Variants in TMEM50A observed in about 807,000 individuals in gnomAD.
The protein encoded by TMEM50A is transmembrane protein 50A.
In TMEM50A, 8 loss-of-function variants were observed where a neutral mutation model predicts 23.9. The observed-to-expected ratio is 0.33, with a 90% confidence interval of 0.20 to 0.60. The LOEUF (loss-of-function observed/expected upper bound fraction) is 0.60. TMEM50A is among the 20% of genes least tolerant of loss of function. The pLI is 0.81. For missense variants in TMEM50A, 178 were observed against 192.7 expected (o/e 0.92, Z 0.45); for synonymous variants, 55 against 60.4 (o/e 0.91, Z 0.41).
rs1232088199 is a variant in TMEM50A, at chr1:25,362,352, C to T, written c.*1647C>T. ...TTATTTTAAACTTATTAAATTGACT[C>T]TTAAACTAAGTTTTTAGTCTTTAAT... On this transcript the variant is annotated 3_prime_UTR_variant, in exon 7 of 7. Coordinates refer to ENST00000374358, the MANE Select transcript of TMEM50A (RefSeq NM_014313.4). 7 of 1,433,756 alleles carry T rather than the reference C, an allele frequency of 4.9e-6. No individual in the cohort carries two copies. The highest frequency in any genetic ancestry group is 6.7e-6 in the Non-Finnish European group (7 of 1,049,994). The allele number at this position is 1,433,756 out of a possible 1,614,324, so 88.8% of individuals were successfully genotyped here.
chr1:25,355,396 A>C (rs1013890429), intron 5 of TMEM50A, among the ~76,000 whole-genome samples: 2 of 152,230 alleles, frequency 1.3e-5, no homozygotes, highest in Non-Finnish European at 2.9e-5. Context: ...AAGAATATAA[A>C]AGAACTCAAA....
chr1:25,350,443 C>T (rs899456004), intron 3 of TMEM50A, among the ~76,000 whole-genome samples: 11 of 152,168 alleles, frequency 7.2e-5, no homozygotes, highest in East Asian at 1.9e-4. Context: ...CAGGCTGAAT[C>T]GCAGTGGCAC....
At chr1:25,345,429 C>A (rs3093597) in intron 3 of TMEM50A, among the ~76,000 whole-genome samples, 11,992 of 152,148 alleles carry the variant, frequency 0.079, 1,505 homozygotes, top group African/African-American at 0.27. Context: ...AAATACAAAA[C>A]ATTAGCCGGC....
rs1487125494 is a variant in TMEM50A, at chr1:25,359,098, G to GCCCCATAGAGCATGCAGGCAGGCAT, written c.429-1537_429-1513dup. ...TGGTGCCTGGGACTGCGCACCAGCT[G>GCCCCATAGAGCATGCAGGCAGGCAT]CCCCATAGAGCATGCAGGCAGGCAT... On this transcript the variant is annotated intron_variant, in intron 6 of 6. Transcript: ENST00000374358. Among the ~76,000 whole-genome samples the GCCCCATAGAGCATGCAGGCAGGCAT allele has an allele frequency of 5.3e-5, 8 of 152,282 alleles. No homozygotes were observed. In the East Asian group the frequency reaches 5.8e-4, roughly 11 times the overall value.
chr1:25,339,572 G>T (rs1435313904), intron 1 of TMEM50A, among the ~76,000 whole-genome samples: 1 of 152,212 alleles, frequency 6.6e-6, no homozygotes, highest in Non-Finnish European at 1.5e-5. Context: ...TGATTTAGGT[G>T]TGAAGAAACA....
intron 5 of TMEM50A, among the ~76,000 whole-genome samples, chr1:25,356,020 C>T (rs1645330250): frequency 6.6e-6 from 1 of 152,196 alleles, no homozygotes; most frequent in Admixed American, 6.5e-5. Context: ...ACCATCTCTC[C>T]ATTGCTACCA....
At chr1:25,339,691 C>T (rs1006659007) in intron 1 of TMEM50A, among the ~76,000 whole-genome samples, 7 of 152,126 alleles carry the variant, frequency 4.6e-5, no homozygotes, top group Non-Finnish European at 1.0e-4. Context: ...GTTAGTGCTC[C>T]TGGACTGTAA....
Position 25,346,573 on chromosome 1 carries a change from G to GT in TMEM50A, c.206+3507dup. On this transcript the variant is annotated intron_variant, in intron 3 of 6. Transcript: ENST00000374358. ...ACCACACCCAGCTATTTTTTAAACA[G>GT]TTTTTTTGTAAAGACAGGATCTCAC... Among the ~76,000 whole-genome samples, 3 of 152,088 alleles carry GT rather than the reference G, an allele frequency of 2.0e-5. No individual in the cohort carries two copies. In the South Asian group the frequency reaches 6.3e-4, roughly 32 times the overall value.
At chr1:25,358,309 C>T (rs1188420309) in intron 6 of TMEM50A, among the ~76,000 whole-genome samples, 2 of 152,162 alleles carry the variant, frequency 1.3e-5, no homozygotes, top group Non-Finnish European at 1.5e-5. Context: ...CAGACATTTC[C>T]ATATGCAGGA....
At chr1:25,339,422 C>T (rs1273715853) in intron 1 of TMEM50A, among the ~76,000 whole-genome samples, 2 of 152,114 alleles carry the variant, frequency 1.3e-5, no homozygotes, top group Admixed American at 1.3e-4. Flanking sequence ...CCGTTAGGAT[C>T]AGAGATAGGG....
chr1:25,343,514 C>T (rs970770759), intron 3 of TMEM50A, among the ~76,000 whole-genome samples: 1 of 151,878 alleles, frequency 6.6e-6, no homozygotes, highest in African/African-American at 2.4e-5. Context: ...GAGATATGTG[C>T]AAATAAGTGC....
intron 6 of TMEM50A, among the ~76,000 whole-genome samples, chr1:25,358,626 G>C (rs962183114): frequency 2.0e-5 from 3 of 152,220 alleles, no homozygotes; most frequent in African/African-American, 7.2e-5. Flanking sequence ...ACTTAGATGT[G>C]ACAAGATGCA....
At chr1:25,354,040 G>A (rs1645307164) in intron 5 of TMEM50A, among the ~76,000 whole-genome samples, 1 of 151,902 alleles carries the variant, frequency 6.6e-6, no homozygotes, top group African/African-American at 2.4e-5. Context: ...CACCCAGGCT[G>A]GAATGCAGTG....
chr1:25,357,537 GTGTGTGTGTGTGTGTGTGTGTGTGT>G (rs912504792), intron 6 of TMEM50A, among the ~76,000 whole-genome samples: 1 of 145,172 alleles, frequency 6.9e-6, no homozygotes, highest in East Asian at 2.0e-4. Flanking sequence ...GAGTGTGTGT[GTGTGTGTGTGTGTGTGTGTGTGTGT>G]TGTGTGTGTG....
At chr1:25,343,292 T>A (rs1645183921) in intron 3 of TMEM50A, among the ~76,000 whole-genome samples, 1 of 152,216 alleles carries the variant, frequency 6.6e-6, no homozygotes, top group African/African-American at 2.4e-5. Flanking sequence ...TCTCAGCTAT[T>A]CTTTTATTTT....
In TMEM50A at chr1:25,361,259, A is replaced by G. The variant is rs1338003018; in HGVS notation, c.*554A>G. ...CCCAAGGGGTGAGTGGACGTGTTGG[A>G]AGAGAGAAGCACCATGGTCCAGCCA... is the stretch of plus-strand genomic sequence containing the variant. On this transcript the variant is annotated 3_prime_UTR_variant, in exon 7 of 7. Coordinates refer to ENST00000374358, the MANE Select transcript of TMEM50A (RefSeq NM_014313.4). 6.5e-6 allele frequency: 1 copy of G among 153,252 alleles called. No homozygotes were observed. Among genetic ancestry groups the G allele is most frequent in the Non-Finnish European group, 1.5e-5 (1 of 68,772 alleles). The allele number at this position is 153,252 out of a possible 1,614,324, so 9.5% of individuals were successfully genotyped here.
At chr1:25,359,449 T>C (rs1645371356) in intron 6 of TMEM50A, among the ~76,000 whole-genome samples, 1 of 151,550 alleles carries the variant, frequency 6.6e-6, no homozygotes, top group South Asian at 2.1e-4. Flanking sequence ...CCCTGGGCCA[T>C]ATTGGAAGAA....
intron 5 of TMEM50A, among the ~76,000 whole-genome samples, chr1:25,353,246 T>G (rs1486200856): frequency 6.6e-6 from 1 of 152,210 alleles, no homozygotes; most frequent in Non-Finnish European, 1.5e-5. Context: ...CTTCCAAAAA[T>G]CTCAAAAGCA....
At chr1:25,348,236 T>TA (rs1174779913) in intron 3 of TMEM50A, among the ~76,000 whole-genome samples, 1 of 152,198 alleles carries the variant, frequency 6.6e-6, no homozygotes, top group African/African-American at 2.4e-5. Flanking sequence ...CAAAAACTGT[T>TA]AGTTAATTAT....
Sources: gnomAD v4.1 joint callset for allele counts (sites outside exome capture counted in the v4.1 genomes callset) on GRCh38, gnomAD v4.1.1 for gene constraint, MANE v1.5 for transcripts, NCBI Gene and HGNC (gene_info 2026-07-23, HGNC 2026-07-21) for gene names.